Variants in CEP162 observed in about 807,000 individuals in gnomAD.
The protein encoded by CEP162 is centrosomal protein 162.
In CEP162, 141 loss-of-function variants were observed where a neutral mutation model predicts 169.2. That is an observed-to-expected ratio of 0.83 (90% CI 0.73 to 0.96). The LOEUF (loss-of-function observed/expected upper bound fraction) is 0.96, where lower values mean the gene tolerates loss of function less well. CEP162 is among the 40% of genes least tolerant of loss of function. CEP162 has a pLI of 0.00. For synonymous variants in CEP162, 540 were observed against 526.4 expected (o/e 1.03, Z -0.35); for missense variants, 1,600 against 1,587.2 (o/e 1.01, Z -0.14).
At position 84,198,453 on chromosome 6, in the gene CEP162, A is replaced by AT. The variant is rs1344544999; in HGVS notation, c.835+2335dup. On this transcript the variant is annotated intron_variant, in intron 9 of 26. Coordinates refer to ENST00000403245, the MANE Select transcript of CEP162 (RefSeq NM_014895.4). ...CCACCACACCTGGCTAATTTTCTGT[A>AT]TTTTTTAGTAGAGACTAGGTTTCAC... Among the ~76,000 whole-genome samples the AT allele has an allele frequency of 3.9e-5, 6 of 151,948 alleles. No homozygotes were observed. In the East Asian group the frequency reaches 5.8e-4, roughly 15 times the overall value.
At chr6:84,207,599 G>A (rs574565028) in intron 6 of CEP162, among the ~76,000 whole-genome samples, 20 of 151,400 alleles carry the variant, frequency 1.3e-4, no homozygotes, top group Admixed American at 2.6e-4. Flanking sequence ...GACAGTATTC[G>A]GAGATATACC....
chr6:84,175,125 C>T, intron 14 of CEP162, 89 bp downstream of exon 14: 1 of 959,706 alleles, frequency 1.0e-6, no homozygotes, highest in South Asian at 2.0e-5. Flanking sequence ...AAAGACATTT[C>T]AGTCCTTATT....
intron 24 of CEP162, among the ~76,000 whole-genome samples, chr6:84,148,210 CT>C (rs199876429): frequency 6.6e-6 from 1 of 151,788 alleles, no homozygotes; most frequent in East Asian, 1.9e-4. Context: ...TCAAATAGTC[CT>C]TTTTTTTCTC....
rs537989764 is a variant in CEP162 at position 84,153,070 on chromosome 6, T to C, written c.3104A>G (p.Lys1035Arg). Reference protein sequence around the residue: ...KALEKELDDIKEAHQITVRNL... With the variant: ...KALEKELDDIREAHQITVRNL... ...TCTTACAGTGATCTGATGGGCTTCC[T>C]TGATGTCATCAAGTTCCTTCTCTAG... The change falls in exon 23 of 27, where the codon AAG (lysine) becomes AGG (arginine). Residue 1035 changes from lysine to arginine, a missense_variant. Transcript: ENST00000403245. 1.2e-6 allele frequency: 2 copies of C among 1,613,482 alleles called. No individual in the cohort carries two copies. Among genetic ancestry groups the C allele is most frequent in the African/African-American group, 1.3e-5 (1 of 75,024 alleles).
Position 84,176,884 on chromosome 6 carries a change from ATTTAT to A in CEP162, c.1664-1542_1664-1538del, listed in dbSNP as rs531063719. Among the ~76,000 whole-genome samples, 18 of 151,376 alleles carry A rather than the reference ATTTAT, an allele frequency of 1.2e-4. No individual in the cohort carries two copies. In the East Asian group the frequency reaches 3.5e-3, roughly 29 times the overall value. Reference sequence around the variant, plus strand: ...GTGGACTAAAGTATCAAGTAATTATATTTATTTTAATTTTTTTTTTTGAGACAGAG... The same window carrying A: ...GTGGACTAAAGTATCAAGTAATTATATTTAATTTTTTTTTTTGAGACAGAG... On this transcript the variant is annotated intron_variant, in intron 13 of 26. Coordinates refer to ENST00000403245, the MANE Select transcript of CEP162 (RefSeq NM_014895.4).
In CEP162 at chr6:84,215,411, A is replaced by G. The variant is rs748711668; in HGVS notation, c.374T>C (p.Leu125Ser). 14 of 1,611,160 alleles carry G rather than the reference A, an allele frequency of 8.7e-6. No individual in the cohort carries two copies. In the African/African-American group the frequency reaches 1.2e-4, roughly 14 times the overall value. ...TTGTTCTTTCTCCTCTTGTTCTTCT[A>G]ATGTGTCCAATCCCACTCCGAGACT... Reference protein sequence around the residue: ...HSSLGVGLDTLEEQEEKEQFF... With the variant: ...HSSLGVGLDTSEEQEEKEQFF... The change falls in exon 5 of 27, where the codon TTA (leucine) becomes TCA (serine). Residue 125 changes from leucine to serine, a missense_variant. Transcript: ENST00000403245.
At chr6:84,128,599 T>C (rs1043659788) in intron 25 of CEP162, among the ~76,000 whole-genome samples, 1 of 152,060 alleles carries the variant, frequency 6.6e-6, no homozygotes, top group Non-Finnish European at 1.5e-5. Flanking sequence ...TCATCTAAAA[T>C]GGGAATAATA....
intron 6 of CEP162, among the ~76,000 whole-genome samples, chr6:84,211,450 C>T (rs2099549402): frequency 6.7e-6 from 1 of 148,222 alleles, no homozygotes; most frequent in African/African-American, 2.6e-5. Flanking sequence ...TGGCATGAGC[C>T]CGGGAGGCGG....
chr6:84,184,748 A>T (rs1322868657), intron 13 of CEP162, among the ~76,000 whole-genome samples: 1 of 151,832 alleles, frequency 6.6e-6, no homozygotes, highest in Non-Finnish European at 1.5e-5. Context: ...AGATTTCAAC[A>T]ACTCCCAAAT....
At chr6:84,139,187 T>C (rs753542733) in intron 25 of CEP162, among the ~76,000 whole-genome samples, 3 of 152,218 alleles carry the variant, frequency 2.0e-5, no homozygotes, top group East Asian at 1.9e-4. Flanking sequence ...AAGAGGGCTC[T>C]AGATGCTTAT....
chr6:84,193,734 G>A (rs976237649), intron 10 of CEP162, 44 bp from the exon 11 acceptor site: 10 of 1,257,372 alleles, frequency 8.0e-6, no homozygotes, highest in Admixed American at 7.2e-5. Flanking sequence ...TGTTATGTAG[G>A]TTGCTTAATT....
chr6:84,131,679 TG>T (rs879757488), intron 25 of CEP162, among the ~76,000 whole-genome samples: 5,746 of 151,832 alleles, frequency 0.038, 149 homozygotes, highest in Admixed American at 0.079. Context: ...TTTTTTGTTT[TG>T]TTTTCCATTT....
At chr6:84,192,122 T>C (rs906430803) in intron 11 of CEP162, among the ~76,000 whole-genome samples, 1 of 152,172 alleles carries the variant, frequency 6.6e-6, no homozygotes, top group African/African-American at 2.4e-5. Context: ...GATAGTGATG[T>C]GAGCAAGAAA....
chr6:84,192,050 G>A (rs1485887309), intron 11 of CEP162, among the ~76,000 whole-genome samples: 1 of 152,172 alleles, frequency 6.6e-6, no homozygotes, highest in Non-Finnish European at 1.5e-5. Context: ...ATGACAAGCA[G>A]CCTGGGTTCC....
chr6:84,163,289 T>C lies in CEP162; in HGVS notation c.2386-19A>G, dbSNP rs756976517. On this transcript the variant is annotated intron_variant, in intron 18 of 26. Coordinates refer to ENST00000403245, the MANE Select transcript of CEP162 (RefSeq NM_014895.4). ...TTTCTTTCTTGATATTCAAAAGAAA[T>C]ATAAAAGCAAGTTTTTTACAACCAC... The C allele has an allele frequency of 5.1e-6, 8 of 1,577,238 alleles. No homozygotes were observed. The South Asian group carries it at 6.8e-5, about 13-fold the overall frequency.
chr6:84,184,174 C>A (rs2099536100), intron 13 of CEP162, among the ~76,000 whole-genome samples: 1 of 152,112 alleles, frequency 6.6e-6, no homozygotes, highest in Non-Finnish European at 1.5e-5. Context: ...ATTGCTAAAG[C>A]AATTCTTCCC....
At chr6:84,182,138 A>T (rs980991485) in intron 13 of CEP162, among the ~76,000 whole-genome samples, 8 of 152,140 alleles carry the variant, frequency 5.3e-5, no homozygotes, top group Non-Finnish European at 8.8e-5. Flanking sequence ...ATTTATCCAC[A>T]TCTGCCTCTC....
intron 6 of CEP162, among the ~76,000 whole-genome samples, chr6:84,210,115 T>C (rs1489709610): frequency 6.6e-6 from 1 of 152,252 alleles, no homozygotes; most frequent in Non-Finnish European, 1.5e-5. Flanking sequence ...TCAGAATATT[T>C]ACTTGTACCA....
chr6:84,221,005 G>T, intron 3 of CEP162, 52 bp downstream of exon 3: 1 of 912,866 alleles, frequency 1.1e-6, no homozygotes, highest in South Asian at 1.4e-5. Context: ...CAGAAGTCTT[G>T]ACTGACCCCT....
Sources: gnomAD v4.1 joint callset for allele counts (sites outside exome capture counted in the v4.1 genomes callset) on GRCh38, gnomAD v4.1.1 for gene constraint, MANE v1.5 for transcripts, NCBI Gene and HGNC (gene_info 2026-07-23, HGNC 2026-07-21) for gene names.